The following IFFO2 variants were observed in gnomAD, a reference collection of about 807,000 sequenced individuals.
The protein encoded by IFFO2 is intermediate filament family orphan 2.
Under a neutral mutation model 53.5 loss-of-function variants are expected in IFFO2, and 19 were observed. That is an observed-to-expected ratio of 0.36 (90% CI 0.25 to 0.52). The LOEUF is 0.52. Among genes scored for constraint, IFFO2 ranks in the 20% least tolerant of loss-of-function variants. The pLI is 0.94. For synonymous variants in IFFO2, 303 were observed against 313.6 expected (o/e 0.97, Z 0.36); for missense variants, 570 against 727.4 (o/e 0.78, Z 2.49).
At chr1:18,945,268 C>A (rs150100511) in intron 1 of IFFO2, among the ~76,000 whole-genome samples, 1 of 152,042 alleles carries the variant, frequency 6.6e-6, no homozygotes, top group Non-Finnish European at 1.5e-5. Context: ...ACTCTCTGGT[C>A]GTGACTTTGC....
intron 1 of IFFO2, among the ~76,000 whole-genome samples, chr1:18,940,979 G>T (rs137920619): frequency 6.6e-6 from 1 of 152,174 alleles, no homozygotes; most frequent in Non-Finnish European, 1.5e-5. Context: ...GGTGCAACAC[G>T]AGACTCTAGT....
intron 1 of IFFO2, among the ~76,000 whole-genome samples, chr1:18,945,177 T>C (rs771553477): frequency 6.6e-6 from 1 of 152,178 alleles, no homozygotes; most frequent in Non-Finnish European, 1.5e-5. Context: ...TGACTGGCCC[T>C]GAACTGGCTT....
At chr1:18,922,408 GGGCCAGCTAAAAATA>G (rs1936228381) in intron 1 of IFFO2, among the ~76,000 whole-genome samples, 1 of 152,192 alleles carries the variant, frequency 6.6e-6, no homozygotes, top group Non-Finnish European at 1.5e-5. Context: ...GATGCTGTCA[GGGCCAGCTAAAAATA>G]GGCCAGAGGG....
At position 18,910,370 on chromosome 1, in the gene IFFO2, G is replaced by A. The variant is rs762630830; in HGVS notation, c.1420C>T (p.Arg474Cys). Reference protein sequence around the residue: ...RGLDVQMETCRRLIKGSADRN... With the variant: ...RGLDVQMETCCRLIKGSADRN... ...TCTGCGGAGCCTTTGATGAGCCGGC[G>A]GCAGGTCTCCATCTGCACGTCCAGG... The change falls in exon 8 of 9, where the codon CGC becomes TGC. Residue 474 changes from arginine to cysteine, a missense_variant. Transcript: ENST00000455833. The A allele has an allele frequency of 5.1e-5, 82 of 1,613,108 alleles. No homozygotes were observed. Among genetic ancestry groups the A allele is most frequent in the African/African-American group, 1.1e-4 (8 of 74,902 alleles).
intron 1 of IFFO2, among the ~76,000 whole-genome samples, chr1:18,944,338 G>A (rs1176063997): frequency 6.6e-6 from 1 of 152,158 alleles, no homozygotes; most frequent in Non-Finnish European, 1.5e-5. Context: ...GGGATGAGAG[G>A]AAGTCATAGG....
In IFFO2 at chr1:18,928,412, C is replaced by T. The variant is rs1157501460; in HGVS notation, c.666-7291G>A. 6.6e-6 allele frequency among the ~76,000 whole-genome samples: 1 copy of T among 152,214 alleles called. No individual in the cohort carries two copies. Among genetic ancestry groups the T allele is most frequent in the East Asian group, 1.9e-4 (1 of 5,200 alleles). ...ATTTAATGTGAACACTTAACCAGGG[C>T]AGCCGATTCCATTACAGGCGGGCAG... On this transcript the variant is annotated intron_variant, in intron 1 of 8. Coordinates refer to ENST00000455833, the MANE Select transcript of IFFO2 (RefSeq NM_001136265.2). The surrounding 1 kb of genome is among the most constrained non-coding windows in gnomAD (Gnocchi z 4.9).
At chr1:18,939,252 G>A (rs76184403) in intron 1 of IFFO2, among the ~76,000 whole-genome samples, 6 of 152,356 alleles carry the variant, frequency 3.9e-5, no homozygotes, top group African/African-American at 1.2e-4. Flanking sequence ...AGGCCAGGGA[G>A]CCCTCTGGGG....
rs762833263 is a variant in IFFO2, at chr1:18,910,488, G to A, written c.1318-16C>T. The A allele has an allele frequency of 6.2e-7, 1 of 1,603,724 alleles. No homozygotes were observed. ...CCAGCTCGAGCTGGGAGGAACCAATGAGGAATAAGGGTGAGGGCAAGTCAT... is the reference window on the plus strand; with the variant it reads ...CCAGCTCGAGCTGGGAGGAACCAATAAGGAATAAGGGTGAGGGCAAGTCAT... On this transcript the variant is annotated splice_polypyrimidine_tract_variant and intron_variant, in intron 7 of 8. Coordinates refer to ENST00000455833, the MANE Select transcript of IFFO2 (RefSeq NM_001136265.2).
At chr1:18,942,382 A>G (rs1263463678) in intron 1 of IFFO2, among the ~76,000 whole-genome samples, 1 of 151,992 alleles carries the variant, frequency 6.6e-6, no homozygotes, top group African/African-American at 2.4e-5. Context: ...TATGTGTACA[A>G]ATTGGGGCCT....
chr1:18,913,547 C>T (rs965616643), intron 5 of IFFO2, among the ~76,000 whole-genome samples: 4 of 152,214 alleles, frequency 2.6e-5, no homozygotes, highest in Non-Finnish European at 5.9e-5. Context: ...GCGGGGGAGA[C>T]CCACACGTTC....
chr1:18,941,430 T>C (rs1936518781), intron 1 of IFFO2, among the ~76,000 whole-genome samples: 1 of 152,242 alleles, frequency 6.6e-6, no homozygotes, highest in South Asian at 2.1e-4. Context: ...CCAGCTGCCC[T>C]GACGTCAACT....
chr1:18,927,825 C>T (rs1322663038), intron 1 of IFFO2, among the ~76,000 whole-genome samples: 1 of 152,202 alleles, frequency 6.6e-6, no homozygotes, highest in East Asian at 1.9e-4. Context: ...GGGCTGCGTG[C>T]CCCCAACAGC....
At chr1:18,942,535 G>C (rs1569861963) in intron 1 of IFFO2, among the ~76,000 whole-genome samples, 1 of 152,166 alleles carries the variant, frequency 6.6e-6, no homozygotes, top group Non-Finnish European at 1.5e-5. Flanking sequence ...TTACAGATGA[G>C]AGAACTGAGG....
chr1:18,922,826 C>G (rs6426799), intron 1 of IFFO2, among the ~76,000 whole-genome samples: 130,437 of 151,854 alleles, frequency 0.86, 56,261 homozygotes, highest in African/African-American at 0.92. Flanking sequence ...CATTTGCCCA[C>G]ATCACCCAGT....
intron 1 of IFFO2, among the ~76,000 whole-genome samples, chr1:18,945,549 G>T (rs1936575688): frequency 6.6e-6 from 1 of 152,252 alleles, no homozygotes; most frequent in African/African-American, 2.4e-5. Flanking sequence ...GAGGGCGGAA[G>T]GCGCTGTCTC....
chr1:18,935,133 C>T (rs1446461815), intron 1 of IFFO2, among the ~76,000 whole-genome samples: 1 of 152,208 alleles, frequency 6.6e-6, no homozygotes, highest in Non-Finnish European at 1.5e-5. Flanking sequence ...CCAGTTCCTG[C>T]AGCAACAATG....
In IFFO2 at chr1:18,917,746, C is replaced by G. The variant is rs28439774; in HGVS notation, c.963+616G>C. Among the ~76,000 whole-genome samples the G allele has an allele frequency of 0.32, 48,826 of 151,898 alleles. 9,830 individuals carry two copies. Among genetic ancestry groups the G allele is most frequent in the Middle Eastern group, 0.49 (143 of 290 alleles). The stretch of plus-strand genomic sequence containing the variant: ...GGAGAATGACATGTGCCTCATTCGG[C>G]TGGACTGGCCCCCCAAGCCCTCTCT... On this transcript the variant is annotated intron_variant, in intron 4 of 8. Transcript: ENST00000455833. This position sits in a 1 kb window ranked among gnomAD's most constrained non-coding sequence, Gnocchi z 5.9.
chr1:18,950,397 A>T (rs542790483), intron 1 of IFFO2, among the ~76,000 whole-genome samples: 17 of 152,326 alleles, frequency 1.1e-4, no homozygotes, highest in African/African-American at 3.4e-4. Context: ...AAATCTGCCA[A>T]GCCCCAGGTA....
rs115761665 is a variant in IFFO2 at position 18,929,251 on chromosome 1, G to T, written c.666-8130C>A. On this transcript the variant is annotated intron_variant, in intron 1 of 8. Transcript: ENST00000455833. Reference sequence around the variant, plus strand: ...GCAATCCCACCTTGTAGGGCTCATGGATGGATCAGGAGAGCAGGCTCAAGT... The same window carrying T: ...GCAATCCCACCTTGTAGGGCTCATGTATGGATCAGGAGAGCAGGCTCAAGT... 4.1e-3 allele frequency among the ~76,000 whole-genome samples: 625 copies of T among 152,318 alleles called. 6 individuals carry two copies. The highest frequency in any genetic ancestry group is 0.014 in the African/African-American group (583 of 41,574).
Sources: gnomAD v4.1 joint callset for allele counts (sites outside exome capture counted in the v4.1 genomes callset) on GRCh38, gnomAD v4.1.1 for gene constraint, Gnocchi (gnomAD v3.1) non-coding constraint, MANE v1.5 for transcripts, NCBI Gene and HGNC (gene_info 2026-07-23, HGNC 2026-07-21) for gene names.